Variants in EPHA6 observed in about 807,000 individuals in gnomAD.
EPHA6 encodes the protein EPH receptor A6.
In EPHA6, 50 loss-of-function variants were observed where a neutral mutation model predicts 112.0. The observed-to-expected ratio is 0.45, with a 90% CI of 0.36 to 0.56. The LOEUF is 0.56. Among genes scored for constraint, EPHA6 ranks in the 20% least tolerant of loss-of-function variants. EPHA6 has a pLI of 0.00. For synonymous variants in EPHA6, 529 were observed against 490.7 expected (o/e 1.08, Z -1.03); for missense variants, 1,280 against 1,417.4 (o/e 0.90, Z 1.56).
intron 14 of EPHA6, among the ~76,000 whole-genome samples, chr3:97,656,968 TATA>T (rs2094141178): frequency 6.6e-6 from 1 of 151,884 alleles, no homozygotes; most frequent in Non-Finnish European, 1.5e-5. Flanking sequence ...TTAATCAGTG[TATA>T]ATATGTGTCA....
chr3:97,037,631 A>C (rs1187137298), intron 3 of EPHA6, among the ~76,000 whole-genome samples: 1 of 152,078 alleles, frequency 6.6e-6, no homozygotes, highest in Non-Finnish European at 1.5e-5. Flanking sequence ...AAAGGATCAT[A>C]AATGCTGAGA....
chr3:97,568,331 C>G (rs1178527803), intron 11 of EPHA6, among the ~76,000 whole-genome samples: 2 of 152,168 alleles, frequency 1.3e-5, no homozygotes, highest in African/African-American at 4.8e-5. Flanking sequence ...ATCCTATGCA[C>G]TGCCGTAGGA....
At chr3:97,511,206 C>G (rs1489359717) in intron 10 of EPHA6, among the ~76,000 whole-genome samples, 1 of 148,164 alleles carries the variant, frequency 6.7e-6, no homozygotes, top group African/African-American at 2.6e-5. Context: ...CACTGGCATT[C>G]CAGGTGCCAC....
intron 3 of EPHA6, among the ~76,000 whole-genome samples, chr3:97,124,869 G>A (rs2048141296): frequency 6.6e-6 from 1 of 152,182 alleles, no homozygotes; most frequent in African/African-American, 2.4e-5. Flanking sequence ...AAATTTTAAG[G>A]TTAGGTATCA....
intron 3 of EPHA6, among the ~76,000 whole-genome samples, chr3:97,189,244 A>C (rs983760712): frequency 9.9e-5 from 15 of 152,028 alleles, no homozygotes; most frequent in Admixed American, 1.3e-4. Context: ...AGATGTGCCA[A>C]CAATAATGAG....
intron 13 of EPHA6, among the ~76,000 whole-genome samples, chr3:97,616,227 T>C (rs1396223686): frequency 2.0e-5 from 3 of 152,008 alleles, no homozygotes; most frequent in Non-Finnish European, 4.4e-5. Flanking sequence ...AGCAGCCCTA[T>C]AGAAAAGTGG....
At chr3:97,550,713 A>G (rs898757491) in intron 11 of EPHA6, among the ~76,000 whole-genome samples, 8 of 152,192 alleles carry the variant, frequency 5.3e-5, no homozygotes, top group Non-Finnish European at 1.0e-4. Flanking sequence ...ATAGAGGGGG[A>G]AATCCTGTGT....
intron 9 of EPHA6, 87 bp from the exon 10 acceptor site, chr3:97,483,847 T>C: frequency 7.7e-7 from 1 of 1,299,786 alleles, no homozygotes; most frequent in Non-Finnish European, 1.0e-6. Context: ...ACTACTTCAG[T>C]ATGTCATTTC....
chr3:96,956,389 C>A (rs772004110), intron 2 of EPHA6, among the ~76,000 whole-genome samples: 7 of 152,098 alleles, frequency 4.6e-5, no homozygotes, highest in Non-Finnish European at 1.0e-4. Flanking sequence ...GTTAGTCCAG[C>A]AGAATTCAAA....
intron 11 of EPHA6, among the ~76,000 whole-genome samples, chr3:97,581,255 C>A (rs1036936574): frequency 3.9e-5 from 6 of 152,184 alleles, no homozygotes; most frequent in African/African-American, 1.4e-4. Context: ...TATGAGATAT[C>A]AAGAGGGACT....
chr3:96,841,953 A>G (rs1490720203), intron 1 of EPHA6, among the ~76,000 whole-genome samples: 1 of 152,060 alleles, frequency 6.6e-6, no homozygotes, highest in Non-Finnish European at 1.5e-5. Flanking sequence ...TATTCTTCTT[A>G]CCATCATCCA....
chr3:97,352,346 C>G (rs1030861693), intron 5 of EPHA6, among the ~76,000 whole-genome samples: 1 of 151,956 alleles, frequency 6.6e-6, no homozygotes, highest in South Asian at 2.1e-4. Context: ...ATCAGGTGAG[C>G]GATTACAGTC....
At chr3:97,288,115 C>T (rs1271305273) in intron 5 of EPHA6, among the ~76,000 whole-genome samples, 1 of 151,528 alleles carries the variant, frequency 6.6e-6, no homozygotes, top group East Asian at 1.9e-4. Flanking sequence ...TGCAAGAGTA[C>T]ATGTGCAGGT....
chr3:96,979,366 C>T (rs1010372933), intron 2 of EPHA6, among the ~76,000 whole-genome samples: 1 of 152,114 alleles, frequency 6.6e-6, no homozygotes, highest in Non-Finnish European at 1.5e-5. Flanking sequence ...CATGTCCCTA[C>T]AAAGGACATG....
chr3:97,053,784 A>G (rs1032226235), intron 3 of EPHA6, among the ~76,000 whole-genome samples: 1 of 152,142 alleles, frequency 6.6e-6, no homozygotes, highest in Non-Finnish European at 1.5e-5. Context: ...AGGGATCATG[A>G]GTATCTTCTC....
chr3:97,655,742 T>TG (rs780495277), intron 14 of EPHA6, among the ~76,000 whole-genome samples: 1 of 101,618 alleles, frequency 9.8e-6, no homozygotes, highest in South Asian at 3.3e-4. Flanking sequence ...CATCACACAC[T>TG]GGGGGGCCTG....
intron 3 of EPHA6, among the ~76,000 whole-genome samples, chr3:97,091,700 A>G (rs1163098417): frequency 6.6e-6 from 1 of 152,162 alleles, no homozygotes; most frequent in East Asian, 1.9e-4. Context: ...ACCACATTCT[A>G]TTTAGTGTGG....
chr3:97,287,306 T>A (rs906909893), intron 5 of EPHA6, among the ~76,000 whole-genome samples: 50 of 152,122 alleles, frequency 3.3e-4, no homozygotes, highest in African/African-American at 1.2e-3. Context: ...GAGGAAAGGC[T>A]TAGCTTCTCT....
chr3:97,134,371 T>C (rs897218882), intron 3 of EPHA6, among the ~76,000 whole-genome samples: 10 of 152,098 alleles, frequency 6.6e-5, no homozygotes, highest in South Asian at 2.1e-4. Flanking sequence ...AGTACTGATA[T>C]CTATGACCCA....
Sources: gnomAD v4.1 joint callset for allele counts (sites outside exome capture counted in the v4.1 genomes callset) on GRCh38, gnomAD v4.1.1 for gene constraint, MANE v1.5 for transcripts, NCBI Gene and HGNC (gene_info 2026-07-23, HGNC 2026-07-21) for gene names.